The following PODXL2 variants were observed in gnomAD, a reference collection of about 807,000 sequenced individuals.
PODXL2 encodes podocalyxin like 2, also known as podocalyxin-like protein 2.
A neutral mutation model predicts 53.4 loss-of-function variants in PODXL2; 17 were observed. That is an observed-to-expected ratio of 0.32 (90% CI 0.22 to 0.48). The LOEUF (loss-of-function observed/expected upper bound fraction) is 0.48. PODXL2 is among the 20% of genes least tolerant of loss of function. The probability of loss-of-function intolerance (pLI) is 0.99; values close to 1 mark genes in which losing one functional copy is unlikely to be tolerated. For synonymous variants in PODXL2, 311 were observed against 306.7 expected (o/e 1.01, Z -0.15); for missense variants, 673 against 760.0 (o/e 0.89, Z 1.35).
At chr3:127,656,569 T>C (rs867799837) in intron 2 of PODXL2, among the ~76,000 whole-genome samples, 11 of 151,806 alleles carry the variant, frequency 7.2e-5, no homozygotes, top group Admixed American at 5.3e-4. Flanking sequence ...ACCCTGTCTC[T>C]ACTAAAAATA....
chr3:127,648,787 CTT>C (rs988325770), intron 2 of PODXL2, among the ~76,000 whole-genome samples: 6 of 97,842 alleles, frequency 6.1e-5, no homozygotes, highest in South Asian at 3.5e-4. Flanking sequence ...TTTTGTATTT[CTT>C]TTTTTTTTTT....
intron 2 of PODXL2, among the ~76,000 whole-genome samples, chr3:127,645,155 C>T (rs761847436): frequency 6.6e-6 from 1 of 152,234 alleles, no homozygotes; most frequent in Non-Finnish European, 1.5e-5. Flanking sequence ...TCCTTCCTTG[C>T]TCCAGCATGC....
chr3:127,658,986 CT>C (rs34382151), intron 2 of PODXL2, among the ~76,000 whole-genome samples: 24 of 148,284 alleles, frequency 1.6e-4, no homozygotes, highest in East Asian at 1.0e-3. Flanking sequence ...TTTTCCTTGA[CT>C]TTTTTTTTTC....
chr3:127,643,656 G>A (rs1236283422), intron 2 of PODXL2, among the ~76,000 whole-genome samples: 3 of 148,328 alleles, frequency 2.0e-5, no homozygotes, highest in Non-Finnish European at 4.5e-5. Context: ...TTTATTTTTT[G>A]GACACAGGGT....
intron 1 of PODXL2, among the ~76,000 whole-genome samples, chr3:127,632,675 T>G (rs2074554229): frequency 6.6e-6 from 1 of 152,382 alleles, no homozygotes; most frequent in African/African-American, 2.4e-5. Context: ...ATACTGCTTT[T>G]GCAAAGCAGT....
In PODXL2 at chr3:127,651,990, G is replaced by A. The variant is rs559367618; in HGVS notation, c.350-8388G>A. On this transcript the variant is annotated intron_variant, in intron 2 of 7. Transcript: ENST00000342480. ...GCCCAGCTTTAAGGAGGTTGGCTGC[G>A]GCCACAAAGGTACGGGCAGACTGGG... Among the ~76,000 whole-genome samples, 7 of 152,286 alleles carry A rather than the reference G, an allele frequency of 4.6e-5. No individual in the cohort carries two copies. The East Asian group carries it at 9.6e-4, about 21-fold the overall frequency.
At position 127,671,358 on chromosome 3, in the gene PODXL2, G is replaced by T. The variant is rs1406716806; in HGVS notation, c.1426-76G>T. On this transcript the variant is annotated intron_variant, in intron 6 of 7. Transcript: ENST00000342480. ...AGCCTGCTCCCCCATCCCCACCCGA[G>T]CCCAATGCAACCACCCCAGAGGAGC... 1.8e-5 allele frequency: 25 copies of T among 1,368,040 alleles called. No individual in the cohort carries two copies. In the Admixed American group the frequency reaches 3.9e-4, roughly 21 times the overall value. 84.7% of individuals were successfully genotyped at this position (1,368,040 alleles called of 1,614,324 possible).
At chr3:127,649,659 A>G (rs1246081287) in intron 2 of PODXL2, among the ~76,000 whole-genome samples, 1 of 152,238 alleles carries the variant, frequency 6.6e-6, no homozygotes, top group Non-Finnish European at 1.5e-5. Context: ...GTTTTAAGCC[A>G]GGCATGGTGG....
intron 4 of PODXL2, among the ~76,000 whole-genome samples, chr3:127,664,337 T>G (rs1238588048): frequency 6.6e-6 from 1 of 152,216 alleles, no homozygotes; most frequent in Non-Finnish European, 1.5e-5. Flanking sequence ...ATTTCTTTTT[T>G]TTTTTTTAAG....
chr3:127,661,343 C>G (rs983601099), intron 3 of PODXL2, among the ~76,000 whole-genome samples, 184 bp downstream of exon 3: 2 of 152,182 alleles, frequency 1.3e-5, no homozygotes, highest in African/African-American at 4.8e-5. Flanking sequence ...GGTGTTCTCC[C>G]CACACTTCTG....
At chr3:127,640,681 A>G (rs2074612105) in intron 2 of PODXL2, among the ~76,000 whole-genome samples, 1 of 150,074 alleles carries the variant, frequency 6.7e-6, no homozygotes, top group Non-Finnish European at 1.5e-5. Context: ...AGCCTGGGCG[A>G]CAAGAACAAA....
chr3:127,645,587 G>A (rs1178163237), intron 2 of PODXL2, among the ~76,000 whole-genome samples: 1 of 152,204 alleles, frequency 6.6e-6, no homozygotes, highest in African/African-American at 2.4e-5. Flanking sequence ...TGGGCTGGGT[G>A]GGAGGAGCAC....
At chr3:127,648,087 G>A (rs750965395) in intron 2 of PODXL2, among the ~76,000 whole-genome samples, 1 of 152,138 alleles carries the variant, frequency 6.6e-6, no homozygotes, top group Non-Finnish European at 1.5e-5. Flanking sequence ...GGCATGATTA[G>A]ATCACTGTTT....
chr3:127,669,572 T>C (rs954905525), intron 6 of PODXL2, among the ~76,000 whole-genome samples: 3 of 151,988 alleles, frequency 2.0e-5, no homozygotes, highest in African/African-American at 7.3e-5. Context: ...TGCTGCCTGG[T>C]GGGAGGGGCG....
intron 1 of PODXL2, among the ~76,000 whole-genome samples, chr3:127,634,976 T>C (rs1299229123): frequency 1.3e-5 from 2 of 152,190 alleles, no homozygotes; most frequent in Admixed American, 6.5e-5. Flanking sequence ...AGGACTGTAA[T>C]TCTAATGGAG....
chr3:127,638,057 GT>G (rs1036890734), intron 1 of PODXL2, among the ~76,000 whole-genome samples: 2 of 152,180 alleles, frequency 1.3e-5, no homozygotes, highest in Non-Finnish European at 2.9e-5. Flanking sequence ...ATCCTTAAGT[GT>G]TAGTCTTGGA....
intron 4 of PODXL2, among the ~76,000 whole-genome samples, chr3:127,667,267 G>C (rs2074799365): frequency 6.6e-6 from 1 of 152,268 alleles, no homozygotes; most frequent in Non-Finnish European, 1.5e-5. Flanking sequence ...CTACGGAACA[G>C]CTCATTAGCC....
intron 2 of PODXL2, among the ~76,000 whole-genome samples, chr3:127,648,521 A>G (rs1361789797): frequency 1.3e-5 from 2 of 152,232 alleles, no homozygotes; most frequent in African/African-American, 4.8e-5. Context: ...ATATCAACAT[A>G]TAAAAATTTA....
At chr3:127,664,140 C>T (rs1576434802) in intron 4 of PODXL2, among the ~76,000 whole-genome samples, 1 of 152,286 alleles carries the variant, frequency 6.6e-6, no homozygotes, top group South Asian at 2.1e-4. Context: ...AAATGACTAC[C>T]TGTTCCCCAG....
Sources: gnomAD v4.1 joint callset for allele counts (sites outside exome capture counted in the v4.1 genomes callset) on GRCh38, gnomAD v4.1.1 for gene constraint, MANE v1.5 for transcripts, NCBI Gene and HGNC (gene_info 2026-07-23, HGNC 2026-07-21) for gene names.